Variants in BTBD9 observed in about 807,000 individuals in gnomAD.
The protein encoded by BTBD9 is BTB/POZ domain-containing protein 9.
BTBD9 carries 49 observed loss-of-function variants against 64.3 expected under a neutral mutation model. The ratio of observed to expected loss-of-function variants is 0.76; its 90% CI spans 0.61 to 0.97. The LOEUF is 0.97. Ranked by LOEUF, BTBD9 falls within the 50% of genes least tolerant of loss-of-function variation. The pLI, the probability that BTBD9 is intolerant of heterozygous loss-of-function variation, is 0.00. For missense variants in BTBD9, 598 were observed against 762.1 expected (o/e 0.78, Z 2.53); for synonymous variants, 260 against 274.7 (o/e 0.95, Z 0.53).
chr6:38,262,776 A>G (rs1224934856), intron 8 of BTBD9, among the ~76,000 whole-genome samples: 4 of 152,198 alleles, frequency 2.6e-5, no homozygotes, highest in African/African-American at 9.6e-5. Flanking sequence ...GAAAGTCTAC[A>G]TTATGCATGC....
chr6:38,536,963 AAG>A (rs984620962), intron 6 of BTBD9, among the ~76,000 whole-genome samples: 1 of 152,166 alleles, frequency 6.6e-6, no homozygotes, highest in African/African-American at 2.4e-5. Flanking sequence ...AAATGGCTAA[AAG>A]AGTATCACTG....
intron 6 of BTBD9, among the ~76,000 whole-genome samples, chr6:38,554,137 G>A (rs1363335408): frequency 6.6e-6 from 1 of 152,132 alleles, no homozygotes; most frequent in Non-Finnish European, 1.5e-5. Context: ...TTTATGGCTA[G>A]CATGATATAT....
At chr6:38,426,042 A>G (rs1244149405) in intron 6 of BTBD9, among the ~76,000 whole-genome samples, 1 of 151,882 alleles carries the variant, frequency 6.6e-6, no homozygotes, top group Non-Finnish European at 1.5e-5. Flanking sequence ...GTCTTTACAA[A>G]AAGTAGGATC....
At chr6:38,377,000 G>A (rs1423848261) in intron 6 of BTBD9, among the ~76,000 whole-genome samples, 1 of 152,184 alleles carries the variant, frequency 6.6e-6, no homozygotes, top group African/African-American at 2.4e-5. Context: ...TAGGTTCCTT[G>A]AGCAAAGTTA....
chr6:38,285,835 A>G (rs1371747567), intron 8 of BTBD9, among the ~76,000 whole-genome samples: 1 of 152,200 alleles, frequency 6.6e-6, no homozygotes, highest in Non-Finnish European at 1.5e-5. Context: ...GAAATTGTGG[A>G]GGCTATCAGG....
intron 6 of BTBD9, among the ~76,000 whole-genome samples, chr6:38,364,555 A>C (rs1765112455): frequency 6.6e-6 from 1 of 152,254 alleles, no homozygotes; most frequent in African/African-American, 2.4e-5. Context: ...ATTAACACTT[A>C]AGCAATTCAA....
chr6:38,417,916 T>C (rs1430524750), intron 6 of BTBD9, among the ~76,000 whole-genome samples: 1 of 152,176 alleles, frequency 6.6e-6, no homozygotes, highest in Non-Finnish European at 1.5e-5. Flanking sequence ...GGATAGCCAA[T>C]CATCACAGCT....
intron 7 of BTBD9, among the ~76,000 whole-genome samples, chr6:38,330,271 T>G (rs577281865): frequency 1.6e-4 from 24 of 152,304 alleles, no homozygotes; most frequent in African/African-American, 5.3e-4. Context: ...CAGGATGGTC[T>G]CGAACTCCTG....
Position 38,580,201 on chromosome 6 carries a change from T to A in BTBD9, c.1034+17A>T, listed in dbSNP as rs749329500. On this transcript the variant is annotated intron_variant, in intron 5 of 10. Transcript: ENST00000481247. ...CTCAAACATAATGTCAGTTTCTAAG[T>A]CATGCTAATCACTTACCGGCTATCT... The A allele has an allele frequency of 6.2e-7, 1 of 1,607,170 alleles. No individual in the cohort carries two copies. Among genetic ancestry groups the A allele is most frequent in the Non-Finnish European group, 8.5e-7 (1 of 1,174,022 alleles).
At chr6:38,373,114 T>C (rs1765492219) in intron 6 of BTBD9, among the ~76,000 whole-genome samples, 1 of 152,158 alleles carries the variant, frequency 6.6e-6, no homozygotes, top group Non-Finnish European at 1.5e-5. Context: ...CCTTGGTAGA[T>C]ACATATTCAC....
intron 1 of BTBD9, among the ~76,000 whole-genome samples, chr6:38,631,977 A>T (rs1018311082): frequency 1.4e-4 from 21 of 152,144 alleles, no homozygotes; most frequent in African/African-American, 5.1e-4. Flanking sequence ...AAAAATACAA[A>T]ATTAGCCTGG....
chr6:38,508,789 C>T (rs1772650643), intron 6 of BTBD9, among the ~76,000 whole-genome samples: 1 of 152,152 alleles, frequency 6.6e-6, no homozygotes, highest in Non-Finnish European at 1.5e-5. Flanking sequence ...TTTCTTCTTG[C>T]AGTCCATACA....
chr6:38,593,499 G>A (rs1776901823), intron 3 of BTBD9, among the ~76,000 whole-genome samples: 1 of 152,114 alleles, frequency 6.6e-6, no homozygotes, highest in Non-Finnish European at 1.5e-5. Context: ...GAGCAAAACA[G>A]TTTTACTCTA....
intron 1 of BTBD9, among the ~76,000 whole-genome samples, chr6:38,604,583 A>C (rs1297491164): frequency 2.0e-5 from 3 of 152,216 alleles, no homozygotes; most frequent in African/African-American, 7.2e-5. Flanking sequence ...GGACCAGATA[A>C]CAAGTAATGT....
In BTBD9 at chr6:38,289,665, A is replaced by G. The variant is rs763114368; in HGVS notation, c.1265-1204T>C. Among the ~76,000 whole-genome samples, 4 of 152,146 alleles carry G rather than the reference A, an allele frequency of 2.6e-5. No homozygotes were observed. The South Asian group carries it at 8.3e-4, about 32-fold the overall frequency. ...GATTAATTTCTTTTTTTTGTCTACT[A>G]TTCTGTGCATTGCAACATATATGCT... On this transcript the variant is annotated intron_variant, in intron 7 of 10. Coordinates refer to ENST00000481247, the MANE Select transcript of BTBD9 (RefSeq NM_001099272.2).
At chr6:38,434,122 T>C (rs1768590254) in intron 6 of BTBD9, among the ~76,000 whole-genome samples, 1 of 152,036 alleles carries the variant, frequency 6.6e-6, no homozygotes, top group African/African-American at 2.4e-5. Flanking sequence ...TACCCCAAGT[T>C]TCTTTGCCAT....
At chr6:38,618,308 A>G (rs983868682) in intron 1 of BTBD9, among the ~76,000 whole-genome samples, 8 of 152,236 alleles carry the variant, frequency 5.3e-5, no homozygotes, top group African/African-American at 1.4e-4. Flanking sequence ...TGAGGGAAGT[A>G]TAAATTACAG....
chr6:38,517,204 A>C (rs1773070847), intron 6 of BTBD9, among the ~76,000 whole-genome samples: 1 of 152,210 alleles, frequency 6.6e-6, no homozygotes, highest in Non-Finnish European at 1.5e-5. Flanking sequence ...ACACTTCCTA[A>C]AGAGATTTCC....
Position 38,174,867 on chromosome 6 carries a change from G to A in BTBD9, c.*118C>T. 1.0e-5 allele frequency: 12 copies of A among 1,204,316 alleles called. No homozygotes were observed. Among genetic ancestry groups the A allele is most frequent in the South Asian group, 4.2e-5 (3 of 72,118 alleles). 74.6% of individuals were successfully genotyped at this position (1,204,316 alleles called of 1,614,324 possible). A position where few individuals can be genotyped will look rare whatever the true frequency, so the allele number is the denominator to read the frequency against. On this transcript the variant is annotated 3_prime_UTR_variant, in exon 11 of 11. Coordinates refer to ENST00000481247, the MANE Select transcript of BTBD9 (RefSeq NM_001099272.2). ...CGGTGTCTGCTTTTGCAGCTAGGTC[G>A]GCTCCTCCCTGGAAAGGGGCAGAGG...
Sources: allele counts gnomAD v4.1 joint callset (sites outside exome capture counted in the v4.1 genomes callset), GRCh38; gene constraint gnomAD v4.1.1; transcripts MANE v1.5; gene names NCBI Gene and HGNC (gene_info 2026-07-23, HGNC 2026-07-21).